The following CCDC171 variants were observed in gnomAD, a reference collection of about 807,000 sequenced individuals.
CCDC171 encodes coiled-coil domain-containing protein 171.
A neutral mutation model predicts 168.2 loss-of-function variants in CCDC171; 177 were observed. That is an observed-to-expected ratio of 1.05 (90% CI 0.93 to 1.19). The LOEUF is 1.19. Among genes scored for constraint, CCDC171 ranks in the 50% most tolerant of loss-of-function variants. CCDC171 has a pLI of 0.00. For synonymous variants in CCDC171, 687 were observed against 540.8 expected (o/e 1.27, Z -3.75); for missense variants, 1,991 against 1,539.0 (o/e 1.29, Z -4.91).
intron 7 of CCDC171, among the ~76,000 whole-genome samples, chr9:15,627,445 G>T (rs772639784): frequency 8.6e-5 from 13 of 152,014 alleles, no homozygotes; most frequent in Non-Finnish European, 1.6e-4. Flanking sequence ...GCTTTCTCTT[G>T]TGGGCATTTA....
chr9:15,650,168 A>G (rs1292044163), intron 7 of CCDC171, among the ~76,000 whole-genome samples: 3 of 152,178 alleles, frequency 2.0e-5, no homozygotes, highest in East Asian at 3.9e-4. Context: ...CAAACACCGC[A>G]TGTTCTCACT....
chr9:16,067,067 C>A, the CCDC171 span, among the ~76,000 whole-genome samples: 3 of 152,080 alleles, frequency 2.0e-5, no homozygotes, highest in South Asian at 6.2e-4. Context: ...AACTAGTTTA[C>A]AGTCCCACCA....
chr9:15,901,592 G>C (rs1244734526), intron 24 of CCDC171, among the ~76,000 whole-genome samples: 1 of 151,952 alleles, frequency 6.6e-6, no homozygotes, highest in Non-Finnish European at 1.5e-5. Context: ...TCACTTTGTT[G>C]ACTATAAATA....
At chr9:15,655,374 A>G (rs2047850118) in intron 7 of CCDC171, among the ~76,000 whole-genome samples, 1 of 152,132 alleles carries the variant, frequency 6.6e-6, no homozygotes, top group Non-Finnish European at 1.5e-5. Context: ...GACATGCTGG[A>G]TGTTCCCATA....
At chr9:15,727,161 T>G (rs528934431) in intron 14 of CCDC171, among the ~76,000 whole-genome samples, 84 of 152,306 alleles carry the variant, frequency 5.5e-4, no homozygotes, top group African/African-American at 2.0e-3. Flanking sequence ...CATTTTTTTT[T>G]GCTGTTACTT....
At chr9:15,601,910 C>G (rs1451818900) in intron 6 of CCDC171, among the ~76,000 whole-genome samples, 1 of 152,154 alleles carries the variant, frequency 6.6e-6, no homozygotes, top group Admixed American at 6.5e-5. Context: ...TGATTTTGGT[C>G]TCATTTCCAG....
At chr9:16,080,903 G>A in the CCDC171 span, among the ~76,000 whole-genome samples, 298 of 152,294 alleles carry the variant, frequency 2.0e-3, 1 homozygote, top group African/African-American at 6.9e-3. Context: ...TTTTGCTGAT[G>A]TGGGGCATGT....
intron 7 of CCDC171, among the ~76,000 whole-genome samples, chr9:15,636,067 A>T (rs2046177855): frequency 1.3e-5 from 2 of 152,092 alleles, no homozygotes; most frequent in Admixed American, 6.6e-5. Context: ...TTATGTGCTT[A>T]TTAGGCATTC....
Position 15,723,967 on chromosome 9 carries a change from G to A in CCDC171, c.1491+221G>A, listed in dbSNP as rs547292555. Reference sequence around the variant, plus strand: ...TGATTGGAAATTATTTTGGTTAAAGGAAAATTTATTTCCCAGATTTAATTA... The same window carrying A: ...TGATTGGAAATTATTTTGGTTAAAGAAAAATTTATTTCCCAGATTTAATTA... On this transcript the variant is annotated intron_variant, in intron 13 of 25. Transcript: ENST00000380701. Among the ~76,000 whole-genome samples the A allele has an allele frequency of 9.2e-5, 14 of 152,126 alleles. No homozygotes were observed. In the South Asian group the frequency reaches 2.5e-3, roughly 27 times the overall value.
At position 15,837,027 on chromosome 9, in the gene CCDC171, C is replaced by T. The variant is rs908443238; in HGVS notation, c.3268-9675C>T. ...ACATTTTAACATCTGCAACCCTCTT[C>T]ACTAGTTTGGTCAGTAGGGTTGAAA... On this transcript the variant is annotated intron_variant, in intron 21 of 25. Coordinates refer to ENST00000380701, the MANE Select transcript of CCDC171 (RefSeq NM_173550.4). Among the ~76,000 whole-genome samples the T allele has an allele frequency of 7.2e-4, 109 of 152,206 alleles. 1 individual carries two copies. Among genetic ancestry groups the T allele is most frequent in the African/African-American group, 2.4e-3 (100 of 41,458 alleles).
intron 25 of CCDC171, among the ~76,000 whole-genome samples, chr9:15,936,736 C>G (rs993039900): frequency 3.9e-5 from 6 of 152,122 alleles, no homozygotes; most frequent in Admixed American, 3.9e-4. Context: ...GAAACTGTCC[C>G]GTCAAAATGT....
intron 18 of CCDC171, among the ~76,000 whole-genome samples, chr9:15,763,083 A>T (rs2056539222): frequency 6.6e-6 from 1 of 152,204 alleles, no homozygotes; most frequent in South Asian, 2.1e-4. Context: ...AGAACTCAGG[A>T]AACTGTTATA....
intron 7 of CCDC171, among the ~76,000 whole-genome samples, chr9:15,628,577 T>C (rs1564085490): frequency 6.6e-6 from 1 of 152,262 alleles, no homozygotes; most frequent in African/African-American, 2.4e-5. Context: ...TGCCTGCCTC[T>C]GTAGGCTCCA....
chr9:15,712,178 A>T (rs1208772331), intron 11 of CCDC171, among the ~76,000 whole-genome samples: 1 of 152,180 alleles, frequency 6.6e-6, no homozygotes, highest in Non-Finnish European at 1.5e-5. Context: ...GATGAAGCCC[A>T]CTCAAGTTAG....
At chr9:15,903,318 C>G (rs536425132) in intron 24 of CCDC171, among the ~76,000 whole-genome samples, 1 of 152,088 alleles carries the variant, frequency 6.6e-6, no homozygotes, top group Non-Finnish European at 1.5e-5. Flanking sequence ...TGGCCGGGTA[C>G]TCCTCTGAGA....
chr9:15,693,333 G>A (rs974719664), intron 10 of CCDC171, among the ~76,000 whole-genome samples: 3 of 151,988 alleles, frequency 2.0e-5, no homozygotes, highest in African/African-American at 7.3e-5. Flanking sequence ...ATTGATGAAG[G>A]GCATCCTCCT....
intron 21 of CCDC171, among the ~76,000 whole-genome samples, chr9:15,808,061 G>A (rs942843210): frequency 1.3e-5 from 2 of 151,890 alleles, no homozygotes; most frequent in Admixed American, 6.6e-5. Context: ...ATTTCATCAT[G>A]TCCAGAAGTG....
At chr9:15,884,893 G>A (rs1308349268) in intron 24 of CCDC171, among the ~76,000 whole-genome samples, 1 of 152,066 alleles carries the variant, frequency 6.6e-6, no homozygotes, top group East Asian at 1.9e-4. Flanking sequence ...TATTGAGAAA[G>A]GTTTTAGTGT....
chr9:16,002,481 T>C (rs1832580900), intron 3 of CCDC171, among the ~76,000 whole-genome samples: 1 of 152,170 alleles, frequency 6.6e-6, no homozygotes, highest in South Asian at 2.1e-4. Flanking sequence ...AAAATAGTTT[T>C]GTACAACTGT....
Sources: gnomAD v4.1 joint callset for allele counts (sites outside exome capture counted in the v4.1 genomes callset) on GRCh38, gnomAD v4.1.1 for gene constraint, MANE v1.5 for transcripts, NCBI Gene and HGNC (gene_info 2026-07-23, HGNC 2026-07-21) for gene names.